DENND1A: variants seen among roughly 807,000 people sequenced by gnomAD.
DENND1A encodes the protein DENN domain-containing protein 1A.
DENND1A carries 51 observed loss-of-function variants against 113.7 expected under a neutral mutation model. The ratio of observed to expected loss-of-function variants is 0.45; its 90% CI spans 0.36 to 0.57. The LOEUF (loss-of-function observed/expected upper bound fraction) is 0.57, where lower values mean the gene tolerates loss of function less well. DENND1A is among the 20% of genes least tolerant of loss of function. The probability of loss-of-function intolerance (pLI) is 0.00; values close to 1 mark genes in which losing one functional copy is unlikely to be tolerated. For missense variants in DENND1A, 1,258 were observed against 1,395.9 expected (o/e 0.90, Z 1.57); for synonymous variants, 565 against 570.8 (o/e 0.99, Z 0.14).
chr9:123,639,781 A>AC (rs200576525), intron 9 of DENND1A, among the ~76,000 whole-genome samples: 4 of 49,318 alleles, frequency 8.1e-5, no homozygotes, highest in African/African-American at 4.2e-4. Context: ...CCATCTCAAA[A>AC]AAAAAAAAAA....
At chr9:123,786,891 T>C (rs1387789680) in intron 3 of DENND1A, among the ~76,000 whole-genome samples, 2 of 151,970 alleles carry the variant, frequency 1.3e-5, no homozygotes, top group Non-Finnish European at 2.9e-5. Flanking sequence ...CTGCGAGTAC[T>C]GGAAGCATGA....
intron 3 of DENND1A, among the ~76,000 whole-genome samples, chr9:123,775,541 AGC>A (rs1554750622): frequency 6.6e-6 from 1 of 152,138 alleles, no homozygotes; most frequent in Non-Finnish European, 1.5e-5. Flanking sequence ...AAAAAAAAAG[AGC>A]ACTGATAGAA....
In DENND1A at chr9:123,873,284, T is replaced by C. The variant is rs7042636; in HGVS notation, c.88+5667A>G. On this transcript the variant is annotated intron_variant, in intron 2 of 23. Coordinates refer to ENST00000394215, the MANE Select transcript of DENND1A (RefSeq NM_001352964.2). ...TCAGCTTGTGTACTCAAATTTTATT[T>C]GTACAATCTTTGGAAAGTGTTCCAA... is the stretch of plus-strand genomic sequence containing the variant. Among the ~76,000 whole-genome samples, 602 of 152,344 alleles carry C rather than the reference T, an allele frequency of 4.0e-3. 3 individuals are homozygous for C. The highest frequency in any genetic ancestry group is 0.013 in the African/African-American group (558 of 41,588).
In DENND1A at chr9:123,509,374, C is replaced by G. The variant is rs76530899; in HGVS notation, c.993+48196G>C. ...GGTCTGTCTTCTAAATTGCCACTTG[C>G]TAGCTGACTAAGCCTGTCTGAACCT... On this transcript the variant is annotated intron_variant, in intron 13 of 23. Transcript: ENST00000394215. Among the ~76,000 whole-genome samples, 135 of 152,288 alleles carry G rather than the reference C, an allele frequency of 8.9e-4. No homozygotes were observed. In the Middle Eastern group the frequency reaches 0.01, roughly 12 times the overall value.
At chr9:123,674,680 A>G (rs2063957526) in intron 6 of DENND1A, among the ~76,000 whole-genome samples, 1 of 152,254 alleles carries the variant, frequency 6.6e-6, no homozygotes, top group African/African-American at 2.4e-5. Flanking sequence ...CAAGAGGCAG[A>G]GTCCTGCTGA....
intron 13 of DENND1A, among the ~76,000 whole-genome samples, chr9:123,511,890 C>T (rs1264136998): frequency 6.6e-6 from 1 of 152,192 alleles, no homozygotes; most frequent in Non-Finnish European, 1.5e-5. Context: ...GCTCCCAAAA[C>T]AAAACCCAGC....
chr9:123,457,261 G>C, intron 15 of DENND1A, 87 bp downstream of exon 15: 1 of 1,022,016 alleles, frequency 9.8e-7, no homozygotes, highest in Non-Finnish European at 1.5e-6. Flanking sequence ...CCCAATAAAG[G>C]AAAAGCAAGT....
At chr9:123,518,151 G>A (rs2054095011) in intron 13 of DENND1A, among the ~76,000 whole-genome samples, 2 of 152,116 alleles carry the variant, frequency 1.3e-5, no homozygotes, top group Admixed American at 1.3e-4. Flanking sequence ...ATTTAAACTG[G>A]CACAAAGGAC....
intron 5 of DENND1A, among the ~76,000 whole-genome samples, chr9:123,681,457 G>T (rs1466526271): frequency 6.6e-6 from 1 of 152,138 alleles, no homozygotes; most frequent in East Asian, 1.9e-4. Context: ...TAAAAACAGG[G>T]TGAGGAGGGT....
chr9:123,752,379 C>T (rs1331120611), intron 5 of DENND1A, among the ~76,000 whole-genome samples: 1 of 152,072 alleles, frequency 6.6e-6, no homozygotes, highest in Non-Finnish European at 1.5e-5. Context: ...TAGACAGCAT[C>T]TTGAGGAAAA....
chr9:123,424,605 G>A (rs1039654798), intron 19 of DENND1A, among the ~76,000 whole-genome samples: 13 of 152,184 alleles, frequency 8.5e-5, no homozygotes, highest in African/African-American at 3.1e-4. Flanking sequence ...AACCCTCGTT[G>A]GCTCCTAGGC....
intron 8 of DENND1A, among the ~76,000 whole-genome samples, chr9:123,653,451 A>T (rs951021089): frequency 6.6e-6 from 1 of 152,214 alleles, no homozygotes; most frequent in Admixed American, 6.5e-5. Context: ...TTTCCCGTAC[A>T]CAACACTGTC....
intron 19 of DENND1A, among the ~76,000 whole-genome samples, chr9:123,424,750 G>C (rs1347470530): frequency 6.6e-6 from 1 of 152,236 alleles, no homozygotes; most frequent in Non-Finnish European, 1.5e-5. Flanking sequence ...ACCTCTCTGA[G>C]CATCAGCTAT....
At chr9:123,386,260 C>G (rs1473991977) in intron 22 of DENND1A, among the ~76,000 whole-genome samples, 1 of 151,756 alleles carries the variant, frequency 6.6e-6, no homozygotes, top group Admixed American at 6.6e-5. Flanking sequence ...GATATTATTG[C>G]TTAGGAGAAG....
chr9:123,783,437 C>T (rs544750273), intron 3 of DENND1A, among the ~76,000 whole-genome samples: 1 of 152,314 alleles, frequency 6.6e-6, no homozygotes, highest in African/African-American at 2.4e-5. Flanking sequence ...CTGACAAAGG[C>T]ACCAAAACCA....
At chr9:123,674,075 A>G (rs181251624) in intron 6 of DENND1A, among the ~76,000 whole-genome samples, 1 of 152,118 alleles carries the variant, frequency 6.6e-6, no homozygotes, top group African/African-American at 2.4e-5. Context: ...ATCCTATTTG[A>G]GTTCTGACAT....
At chr9:123,814,840 A>T (rs1430449088) in intron 2 of DENND1A, among the ~76,000 whole-genome samples, 1 of 152,242 alleles carries the variant, frequency 6.6e-6, no homozygotes, top group Non-Finnish European at 1.5e-5. Flanking sequence ...CCTAAAAAAT[A>T]CTTAAACAAG....
At chr9:123,897,283 C>G (rs144837615) in intron 1 of DENND1A, among the ~76,000 whole-genome samples, 1 of 152,304 alleles carries the variant, frequency 6.6e-6, no homozygotes, top group African/African-American at 2.4e-5. Context: ...CATTATCACT[C>G]AGCATAGACT....
At chr9:123,451,649 G>C (rs577160778) in intron 17 of DENND1A, among the ~76,000 whole-genome samples, 29 of 152,330 alleles carry the variant, frequency 1.9e-4, no homozygotes, top group African/African-American at 7.0e-4. Flanking sequence ...GGCTTTGCCA[G>C]ACACCAGATA....
Sources: allele counts gnomAD v4.1 joint callset (sites outside exome capture counted in the v4.1 genomes callset), GRCh38; gene constraint gnomAD v4.1.1; transcripts MANE v1.5; gene names NCBI Gene and HGNC (gene_info 2026-07-23, HGNC 2026-07-21).